LRRC74A: variants seen among roughly 807,000 people sequenced by gnomAD.
The protein encoded by LRRC74A is leucine rich repeat containing 74A, also known as leucine-rich repeat-containing protein 74A.
In LRRC74A, 44 loss-of-function variants were observed where a neutral mutation model predicts 57.9. The ratio of observed to expected loss-of-function variants is 0.76; its 90% confidence interval spans 0.60 to 0.98. LRRC74A has a LOEUF of 0.98. Ranked by LOEUF, LRRC74A falls within the 50% of genes least tolerant of loss-of-function variation. LRRC74A has a pLI of 0.00. For missense variants in LRRC74A, 572 were observed against 574.0 expected, an observed-to-expected ratio of 1.00 and a Z score of 0.04; for synonymous variants, 211 against 219.4, an observed-to-expected ratio of 0.96 and a Z score of 0.34.
Position 76,826,682 on chromosome 14 carries a change from A to G in LRRC74A, c.-16A>G. The G allele has an allele frequency of 6.4e-7, 1 of 1,572,618 alleles. No homozygotes were observed. Among genetic ancestry groups the G allele is most frequent in the Non-Finnish European group, 8.6e-7 (1 of 1,160,786 alleles). On this transcript the variant is annotated 5_prime_UTR_variant, in exon 1 of 14. Coordinates refer to ENST00000689127, the MANE Select transcript of LRRC74A (RefSeq NM_001385106.1). ...GGCAAGAAGTTGGCAGCTGCCCTCAAGAGGGTCCTGGCACCATGGACAATG... is the reference window on the plus strand; with the variant it reads ...GGCAAGAAGTTGGCAGCTGCCCTCAGGAGGGTCCTGGCACCATGGACAATG...
chr14:76,843,317 A>G (rs10150886), intron 5 of LRRC74A, among the ~76,000 whole-genome samples: 109,728 of 145,370 alleles, frequency 0.75, 42,736 homozygotes, highest in East Asian at 0.89. Flanking sequence ...AAAAAAAAAA[A>G]AAAAAACTTG....
At chr14:76,835,486 C>CAAAAAAAAAA (rs11362184) in intron 3 of LRRC74A, among the ~76,000 whole-genome samples, 1 of 130,742 alleles carries the variant, frequency 7.6e-6, no homozygotes. Flanking sequence ...GACTCCATCT[C>CAAAAAAAAAA]AAAAAAAAAA....
At position 76,870,149 on chromosome 14, in the gene LRRC74A, G is replaced by A; in HGVS notation, c.1416G>A (p.Ter472=). 1 of 1,611,340 alleles carries A rather than the reference G, an allele frequency of 6.2e-7. No homozygotes were observed. The highest frequency in any genetic ancestry group is 8.5e-7 in the Non-Finnish European group (1 of 1,178,756). ...NFSFLNTMKP[*] ...GTTTCTTGAACACGATGAAGCCATA[G>A]CAACAAGTCTGGTCTAGAAAGAAGT... The change falls in exon 14 of 14, where the codon TAG becomes TAA. Residue 472 remains the stop codon, a stop_retained_variant. Transcript: ENST00000689127.
intron 2 of LRRC74A, chr14:76,828,930 G>A (rs80096559): frequency 3.7e-6 from 3 of 813,518 alleles, no homozygotes; most frequent in African/African-American, 1.9e-5. Context: ...TGTTTCTGTG[G>A]CCTATCTTGC....
At chr14:76,829,272 G>T in intron 2 of LRRC74A, 1 of 1,005,326 alleles carries the variant, frequency 9.9e-7, no homozygotes, top group East Asian at 6.0e-5. Context: ...ATGGAGGAAG[G>T]CCAGTTCTGC....
At chr14:76,865,234 C>T (rs182785867) in intron 11 of LRRC74A, among the ~76,000 whole-genome samples, 4 of 152,216 alleles carry the variant, frequency 2.6e-5, no homozygotes, top group African/African-American at 9.6e-5. Flanking sequence ...GTCAGCCCTT[C>T]GTACCTGTGG....
chr14:76,845,708 A>T (rs1897075167), intron 7 of LRRC74A, among the ~76,000 whole-genome samples: 1 of 152,178 alleles, frequency 6.6e-6, no homozygotes, highest in Non-Finnish European at 1.5e-5. Flanking sequence ...AAAGACACAC[A>T]ACCATGAACA....
intron 11 of LRRC74A, 45 bp from the exon 12 acceptor site, chr14:76,865,923 T>C (rs1273370269): frequency 4.9e-6 from 7 of 1,417,582 alleles, no homozygotes; most frequent in African/African-American, 1.4e-5. Context: ...GCGATCGTTG[T>C]TACAAGACCA....
chr14:76,839,159 C>T (rs1896576370), intron 5 of LRRC74A, among the ~76,000 whole-genome samples: 1 of 152,178 alleles, frequency 6.6e-6, no homozygotes, highest in South Asian at 2.1e-4. Context: ...CTTTCTTGTA[C>T]ATGTATCTTT....
At chr14:76,829,892 G>A (rs554938843) in intron 2 of LRRC74A, among the ~76,000 whole-genome samples, 4 of 152,160 alleles carry the variant, frequency 2.6e-5, no homozygotes, top group South Asian at 2.1e-4. Flanking sequence ...AGGGGGAGAC[G>A]AGCCTGGTTT....
intron 9 of LRRC74A, 106 bp downstream of exon 9, chr14:76,853,516 G>A: frequency 9.3e-7 from 1 of 1,070,216 alleles, no homozygotes; most frequent in Non-Finnish European, 1.3e-6. Flanking sequence ...GAGAATAATT[G>A]GGAATATCTG....
At chr14:76,862,375 C>T (rs1218871912) in intron 11 of LRRC74A, among the ~76,000 whole-genome samples, 5 of 152,108 alleles carry the variant, frequency 3.3e-5, no homozygotes, top group Non-Finnish European at 7.4e-5. Context: ...TCTAAAAATA[C>T]AAAAATTAGC....
At chr14:76,857,639 G>T (rs1489379261) in intron 10 of LRRC74A, among the ~76,000 whole-genome samples, 164 bp downstream of exon 10, 1 of 151,042 alleles carries the variant, frequency 6.6e-6, no homozygotes, top group Non-Finnish European at 1.5e-5. Context: ...CCCTCTCCAG[G>T]GATCCTTTTA....
intron 12 of LRRC74A, 147 bp from the exon 13 acceptor site, chr14:76,867,209 G>GGT (rs1211237237): frequency 4.9e-4 from 159 of 321,492 alleles, no homozygotes; most frequent in Middle Eastern, 9.1e-4. Flanking sequence ...TGGGGGGTGG[G>GGT]GTGTGTGTGT....
chr14:76,852,489 G>A, intron 8 of LRRC74A, 39 bp downstream of exon 8: 1 of 1,488,792 alleles, frequency 6.7e-7, no homozygotes, highest in Non-Finnish European at 9.2e-7. Context: ...GAGCCCAGTT[G>A]AGGACAGCCA....
chr14:76,838,489 T>G (rs1250188792), intron 5 of LRRC74A, among the ~76,000 whole-genome samples: 1 of 152,104 alleles, frequency 6.6e-6, no homozygotes, highest in Non-Finnish European at 1.5e-5. Context: ...CTTTGCAGCA[T>G]AGAAAGACAA....
chr14:76,838,048 T>A, intron 5 of LRRC74A, 77 bp downstream of exon 5: 5 of 960,008 alleles, frequency 5.2e-6, no homozygotes, highest in Non-Finnish European at 8.0e-6. Context: ...GAATTCAATG[T>A]CTCATTGAAC....
chr14:76,863,924 C>A (rs1898536879), intron 11 of LRRC74A, among the ~76,000 whole-genome samples: 2 of 152,266 alleles, frequency 1.3e-5, no homozygotes, highest in Non-Finnish European at 2.9e-5. Flanking sequence ...CTGCCCACCA[C>A]CTGCCTCTCT....
At chr14:76,837,118 G>A (rs1295352438) in intron 4 of LRRC74A, among the ~76,000 whole-genome samples, 1 of 152,122 alleles carries the variant, frequency 6.6e-6, no homozygotes, top group Non-Finnish European at 1.5e-5. Flanking sequence ...CTCCAGCCTG[G>A]GTGACAGAGT....
Sources: allele counts gnomAD v4.1 joint callset (sites outside exome capture counted in the v4.1 genomes callset), GRCh38; gene constraint gnomAD v4.1.1; transcripts MANE v1.5; gene names NCBI Gene and HGNC (gene_info 2026-07-23, HGNC 2026-07-21).